Variants in CCDC134 observed in about 807,000 individuals in gnomAD.
CCDC134 encodes coiled-coil domain containing 134, also known as coiled-coil domain-containing protein 134.
Under a neutral mutation model 25.6 loss-of-function variants are expected in CCDC134, and 27 were observed. The ratio of observed to expected loss-of-function variants is 1.05; its 90% CI spans 0.78 to 1.45. The LOEUF (loss-of-function observed/expected upper bound fraction) is 1.45, where lower values mean the gene tolerates loss of function less well. CCDC134 is among the 40% of genes most tolerant of loss of function. The pLI, the probability that CCDC134 is intolerant of heterozygous loss-of-function variation, is 0.00. For missense variants in CCDC134, 261 were observed against 286.7 expected, an observed-to-expected ratio of 0.91 and a Z score of 0.65; for synonymous variants, 110 against 115.0, an observed-to-expected ratio of 0.96 and a Z score of 0.28.
rs551784126 is a variant in CCDC134, at chr22:41,827,680, T to G, written c.*1857T>G. Among the ~76,000 whole-genome samples the G allele has an allele frequency of 2.6e-5, 4 of 152,192 alleles. No individual in the cohort carries two copies. Among genetic ancestry groups the G allele is most frequent in the South Asian group, 2.1e-4 (1 of 4,834 alleles). ...ACAAATTCATTTACAGCATATACCCTATGGGGAGGATATTCCCTGTTATAG... is the reference window on the plus strand; with the variant it reads ...ACAAATTCATTTACAGCATATACCCGATGGGGAGGATATTCCCTGTTATAG... On this transcript the variant is annotated 3_prime_UTR_variant, in exon 7 of 7. Coordinates refer to ENST00000255784, the MANE Select transcript of CCDC134 (RefSeq NM_024821.5).
Position 41,813,455 on chromosome 22 carries a change from G to A in CCDC134, c.492+10G>A. 1 of 1,614,058 alleles carries A rather than the reference G, an allele frequency of 6.2e-7. No homozygotes were observed. Among genetic ancestry groups the A allele is most frequent in the African/African-American group, 1.3e-5 (1 of 75,052 alleles). On this transcript the variant is annotated intron_variant, in intron 5 of 6. Transcript: ENST00000255784. ...GCCCATCCTCAGCCTGGTAAGGACT[G>A]GGGTGGAGGTGGCCCGGGAGCCCTC...
At position 41,828,016 on chromosome 22, in the gene CCDC134, G is replaced by A. The variant is rs2076687686; in HGVS notation, c.*2193G>A. ...CAGACCTAGCTTTCTTGGGGTGGCA[G>A]GGAGGCTAAAGCATACCTCAGGACA... is the stretch of plus-strand genomic sequence containing the variant. On this transcript the variant is annotated 3_prime_UTR_variant, in exon 7 of 7. Coordinates refer to ENST00000255784, the MANE Select transcript of CCDC134 (RefSeq NM_024821.5). Among the ~76,000 whole-genome samples, 1 of 152,236 alleles carries A rather than the reference G, an allele frequency of 6.6e-6. No homozygotes were observed. The highest frequency in any genetic ancestry group is 2.4e-5 in the African/African-American group (1 of 41,468).
At chr22:41,808,084 C>T (rs774472703) in intron 1 of CCDC134, among the ~76,000 whole-genome samples, 11 of 151,650 alleles carry the variant, frequency 7.3e-5, no homozygotes, top group Non-Finnish European at 1.5e-4. Context: ...CGCTTGAACC[C>T]GGGAGGTGGA....
At chr22:41,804,222 A>G (rs1336337425) in intron 1 of CCDC134, among the ~76,000 whole-genome samples, 1 of 152,164 alleles carries the variant, frequency 6.6e-6, no homozygotes, top group African/African-American at 2.4e-5. Flanking sequence ...GAAACCATCA[A>G]CTTCTTATCC....
In CCDC134 at chr22:41,810,238, C is replaced by A. The variant is rs762956676; in HGVS notation, c.257C>A (p.Ala86Asp). The change falls in exon 4 of 7, where the codon GCT becomes GAT. Residue 86 changes from alanine to aspartate, a missense_variant. Ala to Asp is a moderately radical substitution (Grantham distance 126, BLOSUM62 -2). Transcript: ENST00000255784. ...GAGGACTCCCGGACAGTGCTCACCG[C>A]TGCTGATGTGCTCCCAGATGGGCCC... ...VLEDSRTVLTAADVLPDGPFP... is the reference protein window; with the variant it reads ...VLEDSRTVLTDADVLPDGPFP... 1.9e-6 allele frequency: 3 copies of A among 1,614,086 alleles called. No homozygotes were observed. The South Asian group carries it at 3.3e-5, about 18-fold the overall frequency.
In CCDC134 at chr22:41,831,217, G is replaced by A. The variant is rs1385891704; in HGVS notation, c.*5394G>A. On this transcript the variant is annotated 3_prime_UTR_variant, in exon 7 of 7. Coordinates refer to ENST00000255784, the MANE Select transcript of CCDC134 (RefSeq NM_024821.5). ...TGTATTTTTTCTTTCTTTTTTTTGA[G>A]ACAGAGTCTTGCTCTGTCTCCCAGG... 8.0e-5 allele frequency: 12 copies of A among 150,172 alleles called. No homozygotes were observed. The highest frequency in any genetic ancestry group is 7.9e-4 in the Admixed American group (12 of 15,138). The allele number at this position is 150,172 out of a possible 1,614,324, so 9.3% of individuals were successfully genotyped here.
intron 1 of CCDC134, among the ~76,000 whole-genome samples, chr22:41,805,201 C>A (rs2148304028): frequency 6.6e-6 from 1 of 152,302 alleles, no homozygotes; most frequent in East Asian, 1.9e-4. Context: ...GAGGCCATGG[C>A]AGCCTGATCA....
chr22:41,807,146 A>T (rs1469279759), intron 1 of CCDC134, among the ~76,000 whole-genome samples: 1 of 152,254 alleles, frequency 6.6e-6, no homozygotes, highest in African/African-American at 2.4e-5. Context: ...GGAACAATTC[A>T]GACACATCAA....
intron 6 of CCDC134, among the ~76,000 whole-genome samples, chr22:41,815,063 A>T (rs1224924448): frequency 1.3e-5 from 2 of 151,936 alleles, no homozygotes; most frequent in Non-Finnish European, 2.9e-5. Flanking sequence ...CCAGGTAAAG[A>T]GTGGTTAGGG....
chr22:41,815,633 C>G (rs2076619356), intron 6 of CCDC134, among the ~76,000 whole-genome samples: 2 of 152,136 alleles, frequency 1.3e-5, no homozygotes, highest in South Asian at 4.2e-4. Flanking sequence ...TTCTGAATAG[C>G]AGGGTAAGGC....
At chr22:41,821,136 G>C (rs1253700163) in intron 6 of CCDC134, among the ~76,000 whole-genome samples, 1 of 152,126 alleles carries the variant, frequency 6.6e-6, no homozygotes, top group Non-Finnish European at 1.5e-5. Flanking sequence ...GCTGCTGGGA[G>C]GTAAGGAAGG....
At chr22:41,822,440 A>G (rs1291796468) in intron 6 of CCDC134, among the ~76,000 whole-genome samples, 1 of 152,122 alleles carries the variant, frequency 6.6e-6, no homozygotes, top group Non-Finnish European at 1.5e-5. Flanking sequence ...TCTTAACCAC[A>G]GTGCTGTGTT....
chr22:41,814,604 G>A (rs534783353), intron 6 of CCDC134, among the ~76,000 whole-genome samples: 3 of 152,024 alleles, frequency 2.0e-5, no homozygotes, highest in South Asian at 4.2e-4. Context: ...GATAGATGGA[G>A]GAAGGGATTG....
At chr22:41,817,972 A>G (rs59061127) in intron 6 of CCDC134, among the ~76,000 whole-genome samples, 1,791 of 152,092 alleles carry the variant, frequency 0.012, 39 homozygotes, top group African/African-American at 0.041. Flanking sequence ...GGGCTGGCTG[A>G]CTGTTGCTGC....
intron 1 of CCDC134, among the ~76,000 whole-genome samples, chr22:41,807,603 T>C (rs898631269): frequency 6.6e-6 from 1 of 151,682 alleles, no homozygotes; most frequent in Admixed American, 6.6e-5. Flanking sequence ...AAAAAACATT[T>C]AAGAGAATTA....
intron 6 of CCDC134, among the ~76,000 whole-genome samples, chr22:41,816,301 A>G (rs1416874898): frequency 6.6e-6 from 1 of 152,236 alleles, no homozygotes; most frequent in African/African-American, 2.4e-5. Context: ...GGTATAATCC[A>G]AGGCTACTCA....
intron 5 of CCDC134, 137 bp downstream of exon 5, chr22:41,813,582 A>T: frequency 1.6e-6 from 2 of 1,224,530 alleles, no homozygotes; most frequent in Non-Finnish European, 2.3e-6. Context: ...ATCTTGGGCC[A>T]CAGAGGCCCC....
chr22:41,824,484 G>T (rs1419928688), intron 6 of CCDC134, among the ~76,000 whole-genome samples: 2 of 152,184 alleles, frequency 1.3e-5, no homozygotes, highest in Non-Finnish European at 2.9e-5. Flanking sequence ...AGATCCATCC[G>T]GCGCAGTGGC....
intron 6 of CCDC134, among the ~76,000 whole-genome samples, chr22:41,822,086 G>A (rs2076655173): frequency 6.6e-6 from 1 of 152,130 alleles, no homozygotes; most frequent in Non-Finnish European, 1.5e-5. Context: ...GAAGGCGGTG[G>A]CCAGAGTGGC....
Sources: gnomAD v4.1 joint callset for allele counts (sites outside exome capture counted in the v4.1 genomes callset) on GRCh38, gnomAD v4.1.1 for gene constraint, MANE v1.5 for transcripts, NCBI Gene and HGNC (gene_info 2026-07-23, HGNC 2026-07-21) for gene names.